C2CD5: variants seen among roughly 807,000 people sequenced by gnomAD.
The protein encoded by C2CD5 is C2 domain-containing protein 5.
C2CD5 carries 109 observed loss-of-function variants against 130.3 expected under a neutral mutation model. The observed-to-expected ratio is 0.84, with a 90% confidence interval of 0.72 to 0.98. The LOEUF (loss-of-function observed/expected upper bound fraction) is 0.98. C2CD5 is among the 50% of genes least tolerant of loss of function. The pLI is 0.00. For synonymous variants in C2CD5, 454 were observed against 429.2 expected, an observed-to-expected ratio of 1.06 and a Z score of -0.71; for missense variants, 996 against 1,261.8, an observed-to-expected ratio of 0.79 and a Z score of 3.19.
intron 17 of C2CD5, 178 bp from the exon 18 acceptor site, chr12:22,472,525 TC>T (rs1943204769): frequency 3.3e-6 from 2 of 614,148 alleles, no homozygotes; most frequent in African/African-American, 3.8e-5. Context: ...GGTTTTTTTT[TC>T]CGTGTATAAA....
intron 10 of C2CD5, 144 bp downstream of exon 10, chr12:22,506,567 A>G (rs934619374): frequency 1.8e-6 from 1 of 550,728 alleles, no homozygotes; most frequent in Non-Finnish European, 3.2e-6. Context: ...TAAGATGACT[A>G]CAAATATATT....
At chr12:22,544,262 A>C in intron 1 of C2CD5, 58 bp downstream of exon 1, 8 of 1,045,854 alleles carry the variant, frequency 7.6e-6, no homozygotes, top group Non-Finnish European at 9.4e-6. Context: ...CTGACAGCGA[A>C]GGAGCGCGCG....
chr12:22,455,915 C>T (rs1365015603), intron 25 of C2CD5, among the ~76,000 whole-genome samples: 1 of 152,122 alleles, frequency 6.6e-6, no homozygotes, highest in Non-Finnish European at 1.5e-5. Context: ...AAACTGCTGG[C>T]CTCAAGCAAT....
intron 10 of C2CD5, among the ~76,000 whole-genome samples, chr12:22,498,456 T>C (rs1031611378): frequency 6.6e-6 from 1 of 152,168 alleles, no homozygotes; most frequent in Non-Finnish European, 1.5e-5. Context: ...TATATCCCTA[T>C]ATAATCAGCT....
chr12:22,501,911 T>C (rs899467183), intron 10 of C2CD5, among the ~76,000 whole-genome samples: 2 of 152,140 alleles, frequency 1.3e-5, no homozygotes, highest in Non-Finnish European at 2.9e-5. Flanking sequence ...CTGTAAGATA[T>C]ACTTTCTGAG....
At chr12:22,507,231 C>G (rs1375908903) in intron 9 of C2CD5, among the ~76,000 whole-genome samples, 2 of 152,100 alleles carry the variant, frequency 1.3e-5, no homozygotes, top group Non-Finnish European at 2.9e-5. Flanking sequence ...GTATAAGACA[C>G]TGGTAAAGAC....
chr12:22,518,286 A>G (rs573809574), intron 7 of C2CD5, 149 bp from the exon 8 acceptor site: 1 of 722,050 alleles, frequency 1.4e-6, no homozygotes, highest in Admixed American at 2.4e-5. Context: ...AAGACAACCA[A>G]TTGCTGTTTA....
chr12:22,471,036 C>G (rs1184080437), intron 20 of C2CD5, 125 bp from the exon 21 acceptor site: 1 of 630,774 alleles, frequency 1.6e-6, no homozygotes, highest in Non-Finnish European at 2.8e-6. Context: ...AATCCTCAAC[C>G]AGAATTATGT....
chr12:22,478,263 A>T, intron 15 of C2CD5, 50 bp downstream of exon 15: 1 of 1,455,258 alleles, frequency 6.9e-7, no homozygotes, highest in Non-Finnish European at 9.6e-7. Flanking sequence ...CTAAAAATAT[A>T]CTAATAAACA....
chr12:22,462,031 T>G (rs1221507887), intron 22 of C2CD5, among the ~76,000 whole-genome samples: 1 of 152,198 alleles, frequency 6.6e-6, no homozygotes, highest in Non-Finnish European at 1.5e-5. Context: ...CTCCTCCTGA[T>G]CAGAGTTTGG....
At chr12:22,469,645 G>A in intron 22 of C2CD5, 64 bp downstream of exon 22, 1 of 896,596 alleles carries the variant, frequency 1.1e-6, no homozygotes, top group Non-Finnish European at 1.7e-6. Flanking sequence ...TTCCTATAAT[G>A]AAGAAGCAGT....
intron 12 of C2CD5, among the ~76,000 whole-genome samples, chr12:22,489,378 G>A (rs1447311469): frequency 6.6e-6 from 1 of 151,670 alleles, no homozygotes; most frequent in East Asian, 1.9e-4. Context: ...GGCATGTATG[G>A]ATTCAACCAA....
intron 7 of C2CD5, among the ~76,000 whole-genome samples, chr12:22,522,755 G>A (rs1950378697): frequency 6.6e-6 from 1 of 152,054 alleles, no homozygotes; most frequent in African/African-American, 2.4e-5. Context: ...TATATACTAT[G>A]TGGCCATTAA....
At chr12:22,532,892 T>A (rs1478728090) in intron 3 of C2CD5, among the ~76,000 whole-genome samples, 2 of 152,080 alleles carry the variant, frequency 1.3e-5, no homozygotes, top group African/African-American at 4.8e-5. Flanking sequence ...AGGGCCAGCA[T>A]GAAATAGCAG....
In C2CD5 at chr12:22,480,593, A is replaced by G. The variant is rs1019430634; in HGVS notation, c.1737+1964T>C. On this transcript the variant is annotated intron_variant, in intron 14 of 26. Coordinates refer to ENST00000446597, the MANE Select transcript of C2CD5 (RefSeq NM_001286176.2). ...CTAGTTTCCTGGGGCTCAACCATCAAAAACGTTTGTTATAGCTAGCAAAAT... is the reference window on the plus strand; with the variant it reads ...CTAGTTTCCTGGGGCTCAACCATCAGAAACGTTTGTTATAGCTAGCAAAAT... Among the ~76,000 whole-genome samples, 6 of 152,316 alleles carry G rather than the reference A, an allele frequency of 3.9e-5. 1 individual carries two copies. Among genetic ancestry groups the G allele is most frequent in the Admixed American group, 3.9e-4 (6 of 15,306 alleles).
rs1565750951 is a variant in C2CD5, at chr12:22,506,730, C to T, written c.1128G>A (p.Leu376=). The T allele has an allele frequency of 1.9e-6, 3 of 1,593,800 alleles. No homozygotes were observed. The highest frequency in any genetic ancestry group is 2.6e-6 in the Non-Finnish European group (3 of 1,161,686). ...ACATACCAGGATTGTGGATACGATC[C>T]AAAAGCTTCACAGAACGTGCACTAA... ...GVVSARSVKL[L]DRIHNPDEPE... Residue 376 remains leucine (L), a synonymous_variant, in exon 10 of 27, where the codon TTG becomes TTA. Coordinates refer to ENST00000446597, the MANE Select transcript of C2CD5 (RefSeq NM_001286176.2).
At chr12:22,485,175 A>G (rs1473325862) in intron 12 of C2CD5, among the ~76,000 whole-genome samples, 1 of 152,078 alleles carries the variant, frequency 6.6e-6, no homozygotes, top group Non-Finnish European at 1.5e-5. Context: ...TATCACCCCA[A>G]AGTTTTTTCT....
intron 7 of C2CD5, among the ~76,000 whole-genome samples, chr12:22,520,270 G>A (rs752341045): frequency 1.7e-4 from 26 of 151,950 alleles, no homozygotes; most frequent in Non-Finnish European, 3.2e-4. Context: ...TTTTTAGAAC[G>A]CAAATTAAAG....
intron 25 of C2CD5, among the ~76,000 whole-genome samples, chr12:22,456,186 G>A (rs1939815561): frequency 6.6e-6 from 1 of 152,152 alleles, no homozygotes; most frequent in Admixed American, 6.5e-5. Flanking sequence ...GAAGGGCACA[G>A]CTAAGTCATC....
Sources: gnomAD v4.1 joint callset for allele counts (sites outside exome capture counted in the v4.1 genomes callset) on GRCh38, gnomAD v4.1.1 for gene constraint, MANE v1.5 for transcripts, NCBI Gene and HGNC (gene_info 2026-07-23, HGNC 2026-07-21) for gene names.